RGS7: variants seen among roughly 807,000 people sequenced by gnomAD.
RGS7 encodes the protein regulator of G protein signaling 7.
RGS7 carries 27 observed loss-of-function variants against 81.1 expected under a neutral mutation model. The observed-to-expected ratio is 0.33, with a 90% CI of 0.25 to 0.46. The LOEUF is 0.46. Ranked by LOEUF, RGS7 falls within the 20% of genes least tolerant of loss-of-function variation. The pLI is 1.00. For synonymous variants in RGS7, 208 were observed against 207.7 expected, an observed-to-expected ratio of 1.00 and a Z score of -0.01; for missense variants, 396 against 607.4, an observed-to-expected ratio of 0.65 and a Z score of 3.66.
At chr1:241,321,262 A>G (rs953521241) in intron 2 of RGS7, among the ~76,000 whole-genome samples, 5 of 152,276 alleles carry the variant, frequency 3.3e-5, no homozygotes, top group African/African-American at 1.2e-4. Context: ...AGATATCTCA[A>G]ATTTGAACTT....
At chr1:241,330,405 G>A (rs920760553) in intron 2 of RGS7, among the ~76,000 whole-genome samples, 1 of 152,204 alleles carries the variant, frequency 6.6e-6, no homozygotes, top group Non-Finnish European at 1.5e-5. Flanking sequence ...TTAATAACAT[G>A]TAATTAAGTA....
At position 240,955,733 on chromosome 1, in the gene RGS7, A is replaced by C. The variant is rs554158113; in HGVS notation, c.227-19027T>G. 2.6e-5 allele frequency among the ~76,000 whole-genome samples: 4 copies of C among 152,328 alleles called. No individual in the cohort carries two copies. In the South Asian group the frequency reaches 8.3e-4, roughly 32 times the overall value. On this transcript the variant is annotated intron_variant, in intron 4 of 18. Coordinates refer to ENST00000440928, the MANE Select transcript of RGS7 (RefSeq NM_001364886.1). ...CCCACAGAGTCAATTGATTTTAGAC[A>C]AAGGAGCAGAAACAATTCAGTAGAA...
At chr1:240,821,332 G>A (rs537925633) in intron 10 of RGS7, among the ~76,000 whole-genome samples, 177 of 152,230 alleles carry the variant, frequency 1.2e-3, no homozygotes, top group Middle Eastern at 6.8e-3. Context: ...CATGCCTGTA[G>A]TCCCAGCTAC....
chr1:241,235,666 TTCTCTC>T (rs778188637), intron 2 of RGS7, among the ~76,000 whole-genome samples: 1 of 81,018 alleles, frequency 1.2e-5, no homozygotes, highest in African/African-American at 4.7e-5. Flanking sequence ...TTCTTTCTCT[TTCTCTC>T]TCTCTTTCTT....
Position 240,776,185 on chromosome 1 carries a change from G to A in RGS7, c.*35C>T. On this transcript the variant is annotated 3_prime_UTR_variant, in exon 19 of 19. Coordinates refer to ENST00000440928, the MANE Select transcript of RGS7 (RefSeq NM_001364886.1). ...CGTTTAGTAAGACTGAGCAAGGCTT[G>A]TTAACCTCTTGGACGTGAGAGATTT... 1 of 1,612,048 alleles carries A rather than the reference G, an allele frequency of 6.2e-7. No homozygotes were observed. Among genetic ancestry groups the A allele is most frequent in the Non-Finnish European group, 8.5e-7 (1 of 1,178,076 alleles).
At chr1:241,077,738 C>T (rs544866076) in intron 3 of RGS7, among the ~76,000 whole-genome samples, 7 of 152,250 alleles carry the variant, frequency 4.6e-5, no homozygotes, top group African/African-American at 1.4e-4. Flanking sequence ...AATAAGCATG[C>T]CACTTGTTCA....
At chr1:241,083,742 T>C (rs1459728111) in intron 3 of RGS7, among the ~76,000 whole-genome samples, 1 of 152,238 alleles carries the variant, frequency 6.6e-6, no homozygotes, top group African/African-American at 2.4e-5. Flanking sequence ...GTTTGTATCC[T>C]TGAATTTTCT....
At chr1:241,280,701 G>A (rs1200442486) in intron 2 of RGS7, among the ~76,000 whole-genome samples, 1 of 152,132 alleles carries the variant, frequency 6.6e-6, no homozygotes, top group African/African-American at 2.4e-5. Context: ...GGATTTCACT[G>A]TGTTGCCCAG....
intron 6 of RGS7, among the ~76,000 whole-genome samples, chr1:240,885,297 TTGG>T (rs1239803486): frequency 6.6e-6 from 1 of 152,160 alleles, no homozygotes; most frequent in African/African-American, 2.4e-5. Flanking sequence ...TTGCACACTC[TTGG>T]TGGGAGTGTA....
chr1:240,807,612 T>C (rs1473042082), intron 14 of RGS7, among the ~76,000 whole-genome samples: 1 of 152,204 alleles, frequency 6.6e-6, no homozygotes, highest in Non-Finnish European at 1.5e-5. Context: ...TTTATAGATA[T>C]ATGTAGCAGA....
intron 2 of RGS7, among the ~76,000 whole-genome samples, chr1:241,120,777 C>T (rs1053798372): frequency 2.0e-5 from 3 of 152,026 alleles, no homozygotes; most frequent in Admixed American, 2.0e-4. Context: ...AATAGGGAAA[C>T]TAGCTGACAA....
At chr1:240,809,907 T>C (rs1689552061) in intron 14 of RGS7, among the ~76,000 whole-genome samples, 1 of 152,186 alleles carries the variant, frequency 6.6e-6, no homozygotes, top group South Asian at 2.1e-4. Context: ...GATAATCTAA[T>C]ATTTCTTAGA....
chr1:241,253,350 G>T (rs1159878741), intron 2 of RGS7, among the ~76,000 whole-genome samples: 1 of 152,180 alleles, frequency 6.6e-6, no homozygotes, highest in Non-Finnish European at 1.5e-5. Flanking sequence ...CCTCCATACT[G>T]TGGGGTTTTA....
chr1:240,868,132 AAG>A lies in RGS7; in HGVS notation c.609+453_609+454del, dbSNP rs1311321004. 1.7e-5 allele frequency among the ~76,000 whole-genome samples: 2 copies of A among 118,154 alleles called. No individual in the cohort carries two copies. Among genetic ancestry groups the A allele is most frequent in the Non-Finnish European group, 3.3e-5 (2 of 61,252 alleles). The allele number at this position is 118,154 out of a possible 152,430, so 77.5% of individuals were successfully genotyped here. On this transcript the variant is annotated intron_variant, in intron 9 of 18. Transcript: ENST00000440928. This position sits in a 1 kb window ranked among gnomAD's most constrained non-coding sequence, Gnocchi z 5.1. ...GAAAAGAAAAGGAAAGAAAGAAAGA[AAG>A]AAAGAAAGAAAGAAAGAAAGAAAGG...
intron 3 of RGS7, among the ~76,000 whole-genome samples, chr1:241,082,395 A>G (rs1258759260): frequency 1.3e-5 from 2 of 152,256 alleles, no homozygotes; most frequent in Non-Finnish European, 2.9e-5. Flanking sequence ...GGCTACAAAG[A>G]AAACCAAAGC....
chr1:241,288,869 G>A (rs1254548851), intron 2 of RGS7, among the ~76,000 whole-genome samples: 1 of 152,106 alleles, frequency 6.6e-6, no homozygotes. Context: ...CCACAGAAAT[G>A]TTCCCTACCT....
chr1:240,885,861 T>C (rs1416837269), intron 6 of RGS7, among the ~76,000 whole-genome samples: 1 of 152,128 alleles, frequency 6.6e-6, no homozygotes, highest in African/African-American at 2.4e-5. Context: ...CACGAGTTTA[T>C]CTGTATAACA....
chr1:240,855,667 C>T (rs921405482), intron 9 of RGS7, among the ~76,000 whole-genome samples: 2 of 151,984 alleles, frequency 1.3e-5, no homozygotes, highest in Non-Finnish European at 2.9e-5. Context: ...AATAGCTATG[C>T]GATTTCAAAT....
chr1:240,851,502 T>C (rs77533130), intron 9 of RGS7, among the ~76,000 whole-genome samples: 94 of 152,336 alleles, frequency 6.2e-4, no homozygotes, highest in African/African-American at 2.2e-3. Context: ...TAACACAACA[T>C]TTAATCTGTA....
Sources: gnomAD v4.1 joint callset for allele counts (sites outside exome capture counted in the v4.1 genomes callset) on GRCh38, gnomAD v4.1.1 for gene constraint, Gnocchi (gnomAD v3.1) non-coding constraint, MANE v1.5 for transcripts, NCBI Gene and HGNC (gene_info 2026-07-23, HGNC 2026-07-21) for gene names.